NHSL3: variants seen among roughly 807,000 people sequenced by gnomAD.
The protein encoded by NHSL3 is NHS-like protein 3.
the NHSL3 span, among the ~76,000 whole-genome samples, chr1:32,752,687 C>T: frequency 6.6e-6 from 1 of 151,522 alleles, no homozygotes; most frequent in Admixed American, 6.6e-5. Flanking sequence ...AAGCGATCCT[C>T]CCACCTCAGC....
At chr1:32,745,554 T>A in the NHSL3 span, among the ~76,000 whole-genome samples, 8 of 66,336 alleles carry the variant, frequency 1.2e-4, no homozygotes, top group African/African-American at 3.9e-4. Flanking sequence ...CGAGACTAGG[T>A]CTCAAAAAAA....
At chr1:32,773,938 G>A in the NHSL3 span, 3 of 152,714 alleles carry the variant, frequency 2.0e-5, no homozygotes, top group South Asian at 2.1e-4. Context: ...GGCAGCTAAC[G>A]CTGAGTGACA....
the NHSL3 span, chr1:32,770,913 T>C: frequency 3.7e-6 from 6 of 1,610,968 alleles, no homozygotes; most frequent in Non-Finnish European, 4.2e-6. This position sits in a 1 kb window ranked among gnomAD's most constrained non-coding sequence, Gnocchi z 8.3. Context: ...AACGGACACT[T>C]TCGCCCTCCA....
the NHSL3 span, among the ~76,000 whole-genome samples, chr1:32,760,848 C>T: frequency 6.6e-6 from 1 of 152,172 alleles, no homozygotes; most frequent in Non-Finnish European, 1.5e-5. Flanking sequence ...CTTGGCCTCC[C>T]AAAGTGCTGG....
the NHSL3 span, among the ~76,000 whole-genome samples, chr1:32,764,275 A>G: frequency 6.7e-6 from 1 of 150,192 alleles, no homozygotes; most frequent in Non-Finnish European, 1.5e-5. Flanking sequence ...CCAAAATTAC[A>G]TTGTTAGTTT....
chr1:32,751,094 A>G, the NHSL3 span, among the ~76,000 whole-genome samples: 8 of 152,294 alleles, frequency 5.3e-5, no homozygotes, highest in African/African-American at 1.9e-4. Context: ...TACAGGCATG[A>G]GCCACCGTGC....
chr1:32,748,117 C>CA, the NHSL3 span, among the ~76,000 whole-genome samples: 1 of 151,488 alleles, frequency 6.6e-6, no homozygotes, highest in Admixed American at 6.6e-5. Flanking sequence ...CGTCTCAAAA[C>CA]AAAAAACAAA....
chr1:32,767,781 T>C, the NHSL3 span: 10 of 1,605,082 alleles, frequency 6.2e-6, no homozygotes, highest in East Asian at 2.0e-4. Flanking sequence ...TCCTCCCTCC[T>C]ACTAGGCTCT....
At chr1:32,774,874 T>C in the NHSL3 span, 1 of 152,716 alleles carries the variant, frequency 6.5e-6, no homozygotes, top group South Asian at 2.1e-4. Flanking sequence ...GTCTTTGATA[T>C]GTCTAAAAAT....
chr1:32,757,890 C>CG, the NHSL3 span, among the ~76,000 whole-genome samples: 2 of 152,274 alleles, frequency 1.3e-5, no homozygotes, highest in South Asian at 2.1e-4. Context: ...AGAAAGCCTG[C>CG]GGCCCCGGCC....
the NHSL3 span, chr1:32,769,964 GC>G: frequency 6.2e-7 from 1 of 1,606,718 alleles, no homozygotes; most frequent in Non-Finnish European, 8.5e-7. Flanking sequence ...GTGGACGGCC[GC>G]CCCCGAGGCA....
At chr1:32,768,295 C>G in the NHSL3 span, among the ~76,000 whole-genome samples, 1 of 152,068 alleles carries the variant, frequency 6.6e-6, no homozygotes, top group Admixed American at 6.6e-5. Flanking sequence ...ATCTGTGACT[C>G]AAAAGTTCGA....
the NHSL3 span, among the ~76,000 whole-genome samples, chr1:32,742,875 T>G: frequency 2.0e-5 from 3 of 152,192 alleles, no homozygotes; most frequent in Non-Finnish European, 4.4e-5. Flanking sequence ...GAAGTGTGCT[T>G]ACAGATGGGG....
chr1:32,742,385 C>T, the NHSL3 span, among the ~76,000 whole-genome samples: 1 of 152,228 alleles, frequency 6.6e-6, no homozygotes, highest in Non-Finnish European at 1.5e-5. Context: ...CCCAGTCCTG[C>T]CCCGCTGTGA....
At chr1:32,771,657 G>C in the NHSL3 span, 11 of 1,611,740 alleles carry the variant, frequency 6.8e-6, no homozygotes, top group Non-Finnish European at 8.5e-6. Context: ...CTGCTTTGCA[G>C]ATTCAGCCCC....
the NHSL3 span, among the ~76,000 whole-genome samples, chr1:32,765,324 G>A: frequency 1.7e-5 from 2 of 120,942 alleles, no homozygotes; most frequent in Admixed American, 8.0e-5. Flanking sequence ...AGGGAATTAC[G>A]CTAGGCAGCC....
At chr1:32,769,774 CAGA>C in the NHSL3 span, 1 of 1,612,306 alleles carries the variant, frequency 6.2e-7, no homozygotes, top group Non-Finnish European at 8.5e-7. Flanking sequence ...GCAGCATGTG[CAGA>C]AGGAGCTTGG....
the NHSL3 span, chr1:32,771,464 A>T: frequency 2.5e-6 from 4 of 1,569,196 alleles, no homozygotes; most frequent in Non-Finnish European, 3.5e-6. Flanking sequence ...ACTGCTGAGG[A>T]GCCCCTCCAA....
the NHSL3 span, among the ~76,000 whole-genome samples, chr1:32,763,863 C>T: frequency 1.2e-4 from 18 of 151,994 alleles, no homozygotes; most frequent in Non-Finnish European, 1.5e-4. Context: ...TGTGAGCCAC[C>T]GCGCCTGGCT....
Sources: allele counts gnomAD v4.1 joint callset (sites outside exome capture counted in the v4.1 genomes callset), GRCh38; gene constraint gnomAD v4.1.1; non-coding constraint Gnocchi (gnomAD v3.1); transcripts MANE v1.5; gene names NCBI Gene and HGNC (gene_info 2026-07-23, HGNC 2026-07-21).